Variants in PABPC1 observed in about 807,000 individuals in gnomAD.
PABPC1 encodes the protein polyadenylate-binding protein 1.
In PABPC1, 4 loss-of-function variants were observed where a neutral mutation model predicts 74.0. The ratio of observed to expected loss-of-function variants is 0.05; its 90% CI spans 0.03 to 0.12. The LOEUF (loss-of-function observed/expected upper bound fraction) is 0.12, where lower values mean the gene tolerates loss of function less well. Ranked by LOEUF, PABPC1 falls within the 10% of genes least tolerant of loss-of-function variation. The pLI is 1.00. For missense variants in PABPC1, 271 were observed against 821.1 expected, an observed-to-expected ratio of 0.33 and a Z score of 8.19; for synonymous variants, 227 against 264.1, an observed-to-expected ratio of 0.86 and a Z score of 1.36.
intron 7 of PABPC1, among the ~76,000 whole-genome samples, chr8:100,710,233 T>C (rs1810490281): frequency 6.6e-6 from 1 of 152,202 alleles, no homozygotes; most frequent in South Asian, 2.1e-4. Flanking sequence ...TCCATAAATA[T>C]TACGGTATAA....
At chr8:100,704,225 A>G in intron 14 of PABPC1, 72 bp downstream of exon 14, 1 of 1,184,214 alleles carries the variant, frequency 8.4e-7, no homozygotes, top group Non-Finnish European at 1.3e-6. Flanking sequence ...TACATTTCAA[A>G]ATATGCTCAA....
intron 9 of PABPC1, among the ~76,000 whole-genome samples, chr8:100,708,749 AC>A (rs1471989573): frequency 7.9e-5 from 12 of 151,604 alleles, no homozygotes; most frequent in Admixed American, 1.3e-4. Flanking sequence ...GGTGGCGGGC[AC>A]CTGTAATCCC....
chr8:100,721,764 TGGCTGCC>T lies in PABPC1; in HGVS notation c.-188_-182del. ...CAGAACGGGGTCGATCCACTGCCGC[TGGCTGCC>T]GGCTGCCGGCGGGGAGCGAGGGTGG... On this transcript the variant is annotated 5_prime_UTR_variant, in exon 1 of 15. Coordinates refer to ENST00000318607, the MANE Select transcript of PABPC1 (RefSeq NM_002568.4). The surrounding 1 kb of genome is among the most constrained non-coding windows in gnomAD (Gnocchi z 7.4). The T allele has an allele frequency of 8.3e-6, 4 of 482,610 alleles. No homozygotes were observed. The highest frequency in any genetic ancestry group is 8.7e-5 in the South Asian group (2 of 22,894). 29.9% of individuals were successfully genotyped at this position (482,610 alleles called of 1,614,324 possible).
Position 100,709,207 on chromosome 8 carries a change from G to A in PABPC1, c.1262C>T (p.Ala421Val). 6.2e-7 allele frequency: 1 copy of A among 1,614,078 alleles called. No individual in the cohort carries two copies. The highest frequency in any genetic ancestry group is 8.5e-7 in the Non-Finnish European group (1 of 1,179,950). The change falls in exon 9 of 15, where the codon GCA becomes GTA. Residue 421 changes from alanine to valine, a missense_variant. Coordinates refer to ENST00000318607, the MANE Select transcript of PABPC1 (RefSeq NM_002568.4). Reference protein sequence around the residue: ...AAIPQTQNRAAYYPPSQIAQL... With the variant: ...AAIPQTQNRAVYYPPSQIAQL... ...AGCAATTTGGCTAGGAGGATAGTAT[G>A]CAGCACGGTTCTGAGTCTGCAGGGA...
At chr8:100,704,265 C>G (rs372165707) in intron 14 of PABPC1, 32 bp downstream of exon 14, 9 of 1,521,370 alleles carry the variant, frequency 5.9e-6, no homozygotes, top group Middle Eastern at 1.7e-4. Flanking sequence ...AGAAAACAAG[C>G]TTAAAACAAC....
intron 2 of PABPC1, 22 bp downstream of exon 2, chr8:100,718,065 G>C: frequency 6.3e-7 from 1 of 1,577,088 alleles, no homozygotes; most frequent in Non-Finnish European, 8.7e-7. Flanking sequence ...GTAAACATGT[G>C]TATCGGACAT....
At chr8:100,711,012 C>A (rs1007073914) in intron 7 of PABPC1, among the ~76,000 whole-genome samples, 2 of 152,210 alleles carry the variant, frequency 1.3e-5, no homozygotes, top group Admixed American at 1.3e-4. Flanking sequence ...AGACAACCAG[C>A]CAGGCACGGT....
intron 4 of PABPC1, 135 bp from the exon 5 acceptor site, chr8:100,713,316 C>T: frequency 1.9e-6 from 1 of 516,402 alleles, no homozygotes; most frequent in East Asian, 3.2e-5. Flanking sequence ...GCCTTCTATG[C>T]CCCAGGTAGG....
chr8:100,705,623 T>C lies in PABPC1; in HGVS notation c.1653A>G (p.Ala551=). 3 of 1,613,992 alleles carry C rather than the reference T, an allele frequency of 1.9e-6. No individual in the cohort carries two copies. Among genetic ancestry groups the C allele is most frequent in the Non-Finnish European group, 2.5e-6 (3 of 1,179,870 alleles). The change falls in exon 12 of 15, where the codon GCA becomes GCG. Residue 551 remains alanine (A), a synonymous_variant. Coordinates refer to ENST00000318607, the MANE Select transcript of PABPC1 (RefSeq NM_002568.4). ...GCTTTTGCTCTTGAGGAGGGGCAGA[T>C]GCCAACATGGAAGCAGTCAAAGGTT... The part of the protein sequence containing the change: ...GQEPLTASML[A]SAPPQEQKQM...
At chr8:100,717,271 G>A (rs1471495300) in intron 3 of PABPC1, among the ~76,000 whole-genome samples, 2 of 152,150 alleles carry the variant, frequency 1.3e-5, no homozygotes. Context: ...GCCTCCCAAA[G>A]TGCTGGGATT....
chr8:100,707,039 T>C (rs923186789), intron 9 of PABPC1, 42 bp from the exon 10 acceptor site: 1 of 1,393,990 alleles, frequency 7.2e-7, no homozygotes, highest in Non-Finnish European at 1.0e-6. Context: ...TGGGAAAACT[T>C]ACTGAGTGAA....
At chr8:100,712,542 C>A in intron 6 of PABPC1, 85 bp from the exon 7 acceptor site, 1 of 1,466,848 alleles carries the variant, frequency 6.8e-7, no homozygotes, top group South Asian at 1.3e-5. Context: ...CCCCATATTT[C>A]TTCTCCTATT....
At chr8:100,714,988 G>A (rs937716571) in intron 4 of PABPC1, among the ~76,000 whole-genome samples, 1 of 151,996 alleles carries the variant, frequency 6.6e-6, no homozygotes, top group African/African-American at 2.4e-5. Context: ...TGGTTTCATC[G>A]CTGAAAGTCA....
chr8:100,712,359 T>A lies in PABPC1; in HGVS notation c.972+3A>T. ...CAAATAAATGAACCATATGTTTTCT[T>A]ACCTTTGCACTAGTGATTGTACCAA... On this transcript the variant is annotated splice_donor_region_variant and intron_variant, in intron 7 of 14. Transcript: ENST00000318607. 1 of 1,325,166 alleles carries A rather than the reference T, an allele frequency of 7.5e-7. No homozygotes were observed. The highest frequency in any genetic ancestry group is 1.1e-6 in the Non-Finnish European group (1 of 950,012). The allele number at this position is 1,325,166 out of a possible 1,614,324, so 82.1% of individuals were successfully genotyped here.
intron 9 of PABPC1, chr8:100,707,216 C>A: frequency 2.5e-6 from 1 of 403,148 alleles, no homozygotes; most frequent in South Asian, 2.3e-5. Flanking sequence ...AGCGACCAGC[C>A]CCACAGGGTC....
chr8:100,707,439 G>T (rs1810409742), intron 9 of PABPC1, among the ~76,000 whole-genome samples: 1 of 152,206 alleles, frequency 6.6e-6, no homozygotes, highest in African/African-American at 2.4e-5. Flanking sequence ...CCAATGATAG[G>T]TAAGGTCACG....
intron 14 of PABPC1, among the ~76,000 whole-genome samples, chr8:100,703,646 T>C (rs1810302587): frequency 6.6e-6 from 1 of 152,160 alleles, no homozygotes; most frequent in Non-Finnish European, 1.5e-5. Context: ...CACTACTCAA[T>C]TTCTTGGGAG....
chr8:100,704,952 C>T lies in PABPC1; in HGVS notation c.1792G>A (p.Glu598Lys), dbSNP rs1434302486. 1 of 1,612,546 alleles carries T rather than the reference C, an allele frequency of 6.2e-7. No individual in the cohort carries two copies. ...IDNSELLHML[E>K]SPESLRSKVD... is the part of the protein sequence containing the mutation. The stretch of plus-strand genomic sequence containing the variant: ...TTAGAACGGAGTGACTCTGGAGACT[C>T]GAGCATATGAAGAAGTTCTGAATTA... The change falls in exon 13 of 15, where the codon GAG becomes AAG. Residue 598 changes from glutamate to lysine, a missense_variant. By Grantham distance (56) the Glu-to-Lys change is moderately conservative. Around this residue, in one of 7 missense-constraint regions of PABPC1, gnomAD observed 23 missense variants for 48.1 expected, o/e 0.48. Transcript: ENST00000318607.
At chr8:100,704,526 C>CT (rs1366925993) in intron 13 of PABPC1, 136 bp from the exon 14 acceptor site, 1 of 751,690 alleles carries the variant, frequency 1.3e-6, no homozygotes, top group Non-Finnish European at 2.3e-6. Context: ...CACTAAACAA[C>CT]TATATCCATT....
Sources: gnomAD v4.1 joint callset for allele counts (sites outside exome capture counted in the v4.1 genomes callset) on GRCh38, gnomAD v4.1.1 for gene constraint, gnomAD v4.1.1 regional missense constraint, Gnocchi (gnomAD v3.1) non-coding constraint, MANE v1.5 for transcripts, NCBI Gene and HGNC (gene_info 2026-07-23, HGNC 2026-07-21) for gene names.